Variants in PTRH1 observed in about 807,000 individuals in gnomAD.
PTRH1 encodes the protein peptidyl-tRNA hydrolase 1 homolog, also known as peptidyl-tRNA hydrolase.
A neutral mutation model predicts 15.7 loss-of-function variants in PTRH1; 13 were observed. The observed-to-expected ratio is 0.83, with a 90% CI of 0.54 to 1.31. The LOEUF is 1.31. PTRH1 is among the 40% of genes most tolerant of loss of function. The probability of loss-of-function intolerance (pLI) is 0.00; values close to 1 mark genes in which losing one functional copy is unlikely to be tolerated. For synonymous variants in PTRH1, 139 were observed against 136.7 expected (o/e 1.02, Z -0.12); for missense variants, 319 against 296.2 (o/e 1.08, Z -0.56).
chr9:127,714,490 C>G (rs914773135), intron 3 of PTRH1, 66 bp from the exon 4 acceptor site: 44 of 1,607,286 alleles, frequency 2.7e-5, no homozygotes, highest in Non-Finnish European at 3.7e-5. Flanking sequence ...CCCTCCCTGC[C>G]CCGGCTGGGT....
Position 127,715,613 on chromosome 9 carries a change from G to T in PTRH1, c.27C>A (p.Ala9=). 1 of 1,612,764 alleles carries T rather than the reference G, an allele frequency of 6.2e-7. No individual in the cohort carries two copies. Among genetic ancestry groups the T allele is most frequent in the South Asian group, 1.1e-5 (1 of 91,052 alleles). Residue 9 remains alanine (A), a synonymous_variant, in exon 1 of 5, where the codon GCC becomes GCA. Transcript: ENST00000543175. The surrounding 1 kb of genome is among the most constrained non-coding windows in gnomAD (Gnocchi z 5.8). ...TCATGGCTCTACTCAGCCGCTGTCC[G>T]GCGCCCAAAAAGCCGCCCGGCCTCA... MRPGGFLG[A]GQRLSRAMSR...
At chr9:127,695,298 C>T (rs1842549690) in intron 1 of PTRH1, 16 of 587,242 alleles carry the variant, frequency 2.7e-5, no homozygotes, top group Middle Eastern at 4.4e-4. Flanking sequence ...AGATCTCAGA[C>T]ACTTAACAAT....
At chr9:127,713,248 A>G (rs1351240347), downstream of PTRH1, 1 of 1,432,026 alleles carries the variant, frequency 7.0e-7, no homozygotes, top group Non-Finnish European at 9.4e-7. Flanking sequence ...GGTGGCAGCT[A>G]GTCCTGGGTA....
chr9:127,712,425 G>C, downstream of PTRH1: 1 of 1,564,202 alleles, frequency 6.4e-7, no homozygotes, highest in Non-Finnish European at 8.7e-7. Context: ...GCAGAGAAGG[G>C]GCTGCCTCAG....
At chr9:127,710,594 C>A (rs773156489), downstream of PTRH1, 5 of 1,575,386 alleles carry the variant, frequency 3.2e-6, no homozygotes, top group Non-Finnish European at 4.3e-6. Context: ...TGCGCTGTGG[C>A]GGCCAGGGGG....
At chr9:127,714,530 G>T in intron 3 of PTRH1, 73 bp downstream of exon 3, 2 of 1,591,194 alleles carry the variant, frequency 1.3e-6, no homozygotes, top group Non-Finnish European at 1.7e-6. Flanking sequence ...TGGAGACTGG[G>T]TCAGCAGCCC....
downstream of PTRH1, chr9:127,709,338 G>A: frequency 7.1e-7 from 1 of 1,406,528 alleles, no homozygotes; most frequent in South Asian, 1.3e-5. This position sits in a 1 kb window ranked among gnomAD's most constrained non-coding sequence, Gnocchi z 4.7. Flanking sequence ...ACGGGACAGG[G>A]AGTCCAGGAG....
At chr9:127,707,819 C>A (rs1313686294) in intron 1 of PTRH1, among the ~76,000 whole-genome samples, 1 of 152,218 alleles carries the variant, frequency 6.6e-6, no homozygotes, top group African/African-American at 2.4e-5. Context: ...TTGTGAGGCA[C>A]CGCCCCAGTC....
intron 2 of PTRH1, chr9:127,694,834 A>T: frequency 1.7e-6 from 1 of 600,754 alleles, no homozygotes; most frequent in South Asian, 2.1e-5. Context: ...ACCGTTGGAG[A>T]CTTTTAGCAG....
chr9:127,705,146 CCA>C lies in PTRH1; in HGVS notation c.206-10007_206-10006del, dbSNP rs2131580086. ...AGGTGACAGTGCCCCAGGCCACTGT[CCA>C]CTGTCCTTGGCCGGTGCTGCAGTCT... On this transcript the variant is annotated intron_variant, in intron 1 of 2. Coordinates refer to the PTRH1 transcript ENST00000335223. The surrounding 1 kb of genome is among the most constrained non-coding windows in gnomAD (Gnocchi z 4.7). Among the ~76,000 whole-genome samples, 1 of 152,244 alleles carries C rather than the reference CCA, an allele frequency of 6.6e-6. No homozygotes were observed. Among genetic ancestry groups the C allele is most frequent in the Non-Finnish European group, 1.5e-5 (1 of 68,008 alleles).
chr9:127,698,958 C>T (rs542830155), intron 1 of PTRH1, among the ~76,000 whole-genome samples: 13 of 146,882 alleles, frequency 8.9e-5, no homozygotes, highest in African/African-American at 3.3e-4. Context: ...TGGAGTGCAG[C>T]GGTGTGATCT....
At chr9:127,709,508 T>G, downstream of PTRH1, 2 of 1,613,972 alleles carry the variant, frequency 1.2e-6, no homozygotes, top group Non-Finnish European at 1.7e-6. The surrounding 1 kb of genome is among the most constrained non-coding windows in gnomAD (Gnocchi z 4.7). Flanking sequence ...AAGAAGGAGA[T>G]TGTGGCCTTC....
downstream of PTRH1, among the ~76,000 whole-genome samples, chr9:127,711,072 C>T (rs1588392478): frequency 6.6e-6 from 1 of 152,184 alleles, no homozygotes; most frequent in African/African-American, 2.4e-5. Flanking sequence ...TCCAGAGGAT[C>T]TACAGGGAAA....
downstream of PTRH1, chr9:127,713,242 G>C (rs773954354): frequency 6.8e-7 from 1 of 1,470,886 alleles, no homozygotes; most frequent in Non-Finnish European, 9.1e-7. Context: ...AAGCAAGGTG[G>C]CAGCTAGTCC....
chr9:127,713,430 T>C (rs957455115), downstream of PTRH1: 16 of 366,242 alleles, frequency 4.4e-5, no homozygotes, highest in African/African-American at 3.1e-4. Flanking sequence ...TGTTCTTCCC[T>C]CCCCCACCAG....
At chr9:127,709,923 G>A (rs1291527642), downstream of PTRH1, among the ~76,000 whole-genome samples, 2 of 152,202 alleles carry the variant, frequency 1.3e-5, no homozygotes, top group African/African-American at 4.8e-5. This position sits in a 1 kb window ranked among gnomAD's most constrained non-coding sequence, Gnocchi z 4.7. Flanking sequence ...AGTTGGCAAG[G>A]GTTGTGAGGC....
At chr9:127,709,457 A>T (rs1342717656), downstream of PTRH1, 6 of 1,613,846 alleles carry the variant, frequency 3.7e-6, no homozygotes, top group Non-Finnish European at 5.1e-6. This position sits in a 1 kb window ranked among gnomAD's most constrained non-coding sequence, Gnocchi z 4.7. Context: ...GCTGTGCAGG[A>T]GAAGATGTTC....
intron 3 of PTRH1, 48 bp from the exon 4 acceptor site, chr9:127,714,472 C>T (rs1489430254): frequency 6.2e-7 from 1 of 1,609,958 alleles, no homozygotes; most frequent in Non-Finnish European, 8.5e-7. Flanking sequence ...GGGGCAGTGT[C>T]CTTCCACCCC....
rs1001899207 is a variant in PTRH1, at chr9:127,707,323, C to T, written c.205+8112G>A. On this transcript the variant is annotated intron_variant, in intron 1 of 2. Transcript: ENST00000335223. ...TCCCCTGGGATGTCCAGACCCCATC[C>T]CGACCCCAGCCTCATTTCCTCATAC... is the stretch of plus-strand genomic sequence containing the variant. The T allele has an allele frequency of 3.5e-5, 31 of 896,954 alleles. No individual in the cohort carries two copies. The African/African-American group carries it at 4.7e-4, about 14-fold the overall frequency. The allele number at this position is 896,954 out of a possible 1,614,324, so 55.6% of individuals were successfully genotyped here. A position where few individuals can be genotyped will look rare whatever the true frequency, so the allele number is the denominator to read the frequency against.
Sources: gnomAD v4.1 joint callset for allele counts (sites outside exome capture counted in the v4.1 genomes callset) on GRCh38, gnomAD v4.1.1 for gene constraint, Gnocchi (gnomAD v3.1) non-coding constraint, MANE v1.5 for transcripts, NCBI Gene and HGNC (gene_info 2026-07-23, HGNC 2026-07-21) for gene names.